The following NRG2 variants were observed in gnomAD, a reference collection of about 807,000 sequenced individuals.
NRG2 encodes the protein neuregulin 2, also known as pro-neuregulin-2, membrane-bound isoform.
NRG2 carries 27 observed loss-of-function variants against 73.9 expected under a neutral mutation model. That is an observed-to-expected ratio of 0.37 (90% CI 0.27 to 0.50). The LOEUF is 0.50. Among genes scored for constraint, NRG2 ranks in the 20% least tolerant of loss-of-function variants. The pLI is 0.96. For missense variants in NRG2, 1,126 were observed against 1,210.1 expected (o/e 0.93, Z 1.03); for synonymous variants, 532 against 541.0 (o/e 0.98, Z 0.23).
At chr5:139,858,710 C>T (rs1581783985) in intron 5 of NRG2, among the ~76,000 whole-genome samples, 4 of 152,294 alleles carry the variant, frequency 2.6e-5, no homozygotes, top group Non-Finnish European at 5.9e-5. Flanking sequence ...CACAGCCCCT[C>T]CACCTGCTGA....
intron 1 of NRG2, among the ~76,000 whole-genome samples, chr5:139,938,195 A>T (rs1752990028): frequency 6.6e-6 from 1 of 152,256 alleles, no homozygotes. Context: ...ACTTTTCTCT[A>T]AATTCATCTG....
intron 1 of NRG2, among the ~76,000 whole-genome samples, chr5:139,976,760 T>C (rs1374146796): frequency 1.3e-5 from 2 of 152,228 alleles, no homozygotes; most frequent in Non-Finnish European, 1.5e-5. Context: ...GCTTAGACCC[T>C]AGGGGTAGGA....
chr5:139,986,792 C>G (rs1757202860), intron 1 of NRG2, among the ~76,000 whole-genome samples: 1 of 152,198 alleles, frequency 6.6e-6, no homozygotes, highest in African/African-American at 2.4e-5. Flanking sequence ...TTTATTTTGA[C>G]TAATTTAAAT....
chr5:139,958,427 T>C (rs1463897693), intron 1 of NRG2, among the ~76,000 whole-genome samples: 1 of 152,228 alleles, frequency 6.6e-6, no homozygotes, highest in Non-Finnish European at 1.5e-5. Flanking sequence ...TCCCCTTTGT[T>C]AAGGATTAAT....
intron 3 of NRG2, among the ~76,000 whole-genome samples, chr5:139,872,165 TCCC>T (rs1425299698): frequency 6.6e-6 from 1 of 152,130 alleles, no homozygotes; most frequent in Non-Finnish European, 1.5e-5. Flanking sequence ...GGCCCACCTC[TCCC>T]CTTCCCTGCC....
At chr5:139,901,375 G>C (rs1764879683) in intron 1 of NRG2, among the ~76,000 whole-genome samples, 1 of 152,220 alleles carries the variant, frequency 6.6e-6, no homozygotes, top group Non-Finnish European at 1.5e-5. Flanking sequence ...GAGCTCCAGA[G>C]TGGCAGGAGG....
At chr5:139,920,220 T>C (rs541189365) in intron 1 of NRG2, among the ~76,000 whole-genome samples, 1 of 152,356 alleles carries the variant, frequency 6.6e-6, no homozygotes, top group Non-Finnish European at 1.5e-5. Flanking sequence ...TTCAATTTTA[T>C]AGGTTAAGGA....
chr5:139,987,506 G>C (rs1252528287), intron 1 of NRG2, among the ~76,000 whole-genome samples: 5 of 152,060 alleles, frequency 3.3e-5, no homozygotes, highest in Non-Finnish European at 7.4e-5. Context: ...GCTCTAACTG[G>C]GACGATCCCA....
At chr5:139,926,297 A>G (rs1055275681) in intron 1 of NRG2, among the ~76,000 whole-genome samples, 2 of 152,090 alleles carry the variant, frequency 1.3e-5, no homozygotes. Context: ...GTACTTTCTG[A>G]GCTTGGTGTG....
At position 139,852,499 on chromosome 5, in the gene NRG2, A is replaced by T. The variant is rs771464706; in HGVS notation, c.1477T>A (p.Phe493Ile). Residue 493 changes from phenylalanine (F) to isoleucine (I), a missense_variant, in exon 8 of 10, where the codon TTC becomes ATC. By Grantham distance (21) the Phe-to-Ile change is conservative. Coordinates refer to ENST00000361474, the MANE Select transcript of NRG2 (RefSeq NM_004883.3). The surrounding 1 kb of genome is among the most constrained non-coding windows in gnomAD (Gnocchi z 4.4). ...HVIRRETETT[F>I]SGSHSCSPSH... ...GGAGAACAGGAGTGGCTCCCAGAGAAGGTGGTCTCAGTTTCTCTCCTGATG... is the reference window on the plus strand; with the variant it reads ...GGAGAACAGGAGTGGCTCCCAGAGATGGTGGTCTCAGTTTCTCTCCTGATG... 1.9e-6 allele frequency: 3 copies of T among 1,614,126 alleles called. No individual in the cohort carries two copies. The Admixed American group carries it at 5.0e-5, about 27-fold the overall frequency.
rs1211384007 is a variant in NRG2, at chr5:139,851,113, A to G, written c.1772+491T>C. ...GGGATGCTCTTGCCTCAGCCTCCCA[A>G]GTAGCTGTGATTACAGGCATGTGCC... On this transcript the variant is annotated intron_variant, in intron 9 of 9. Transcript: ENST00000361474. The surrounding 1 kb of genome is among the most constrained non-coding windows in gnomAD (Gnocchi z 4.2). Among the ~76,000 whole-genome samples, 2 of 151,964 alleles carry G rather than the reference A, an allele frequency of 1.3e-5. No individual in the cohort carries two copies. The highest frequency in any genetic ancestry group is 4.8e-5 in the African/African-American group (2 of 41,344).
At chr5:139,864,912 T>G (rs1762383853) in intron 5 of NRG2, 1 of 643,178 alleles carries the variant, frequency 1.6e-6, no homozygotes, top group Admixed American at 2.3e-5. Context: ...CCCTGGCTGC[T>G]GCAGAGAGAA....
In NRG2 at chr5:140,032,759, A is replaced by G. The variant is rs116635447; in HGVS notation, c.700+9611T>C. Among the ~76,000 whole-genome samples, 631 of 152,376 alleles carry G rather than the reference A, an allele frequency of 4.1e-3. 6 individuals carry two copies. The highest frequency in any genetic ancestry group is 0.014 in the African/African-American group (582 of 41,586). ...TATATACATAATATAGGCCACAAAT[A>G]CTAGGACTTTAAGAATAAGAAAAAA... On this transcript the variant is annotated intron_variant, in intron 1 of 9. Coordinates refer to ENST00000361474, the MANE Select transcript of NRG2 (RefSeq NM_004883.3).
chr5:139,942,388 C>A (rs1337557031), intron 1 of NRG2, among the ~76,000 whole-genome samples: 1 of 152,174 alleles, frequency 6.6e-6, no homozygotes, highest in Non-Finnish European at 1.5e-5. Flanking sequence ...CCCAATTAAG[C>A]CTTTTTTCTG....
At chr5:139,873,306 G>T (rs1762976533) in intron 3 of NRG2, among the ~76,000 whole-genome samples, 1 of 152,174 alleles carries the variant, frequency 6.6e-6, no homozygotes, top group Non-Finnish European at 1.5e-5. Context: ...CGTGCTGGCT[G>T]GAACTAGAGA....
In NRG2 at chr5:139,989,438, T is replaced by C. The variant is rs571735251; in HGVS notation, c.700+52932A>G. ...CCATAAACCTACCACATTTGGCCCC[T>C]ACCCATGCCATGTCCTAACACCTCC... On this transcript the variant is annotated intron_variant, in intron 1 of 9. Coordinates refer to ENST00000361474, the MANE Select transcript of NRG2 (RefSeq NM_004883.3). Among the ~76,000 whole-genome samples, 3 of 152,128 alleles carry C rather than the reference T, an allele frequency of 2.0e-5. No homozygotes were observed. The South Asian group carries it at 6.2e-4, about 32-fold the overall frequency.
At chr5:140,017,397 A>G (rs1482207466) in intron 1 of NRG2, among the ~76,000 whole-genome samples, 1 of 152,054 alleles carries the variant, frequency 6.6e-6, no homozygotes, top group African/African-American at 2.4e-5. Flanking sequence ...CCAACTACAG[A>G]CCTCTCCAAC....
At chr5:139,892,835 G>A (rs1327323603) in intron 1 of NRG2, among the ~76,000 whole-genome samples, 1 of 152,180 alleles carries the variant, frequency 6.6e-6, no homozygotes, top group Non-Finnish European at 1.5e-5. Flanking sequence ...GGAGGGGTAG[G>A]CAGCAAGCTG....
At chr5:139,854,840 A>C (rs2127009659) in intron 6 of NRG2, among the ~76,000 whole-genome samples, 1 of 151,972 alleles carries the variant, frequency 6.6e-6, no homozygotes, top group East Asian at 2.0e-4. Flanking sequence ...CAACAAAGGC[A>C]CATCTATAGC....
Sources: gnomAD v4.1 joint callset for allele counts (sites outside exome capture counted in the v4.1 genomes callset) on GRCh38, gnomAD v4.1.1 for gene constraint, Gnocchi (gnomAD v3.1) non-coding constraint, MANE v1.5 for transcripts, NCBI Gene and HGNC (gene_info 2026-07-23, HGNC 2026-07-21) for gene names.